Variants in PITPNC1 observed in about 807,000 individuals in gnomAD.
PITPNC1 encodes the protein phosphatidylinositol transfer protein cytoplasmic 1.
In PITPNC1, 18 loss-of-function variants were observed where a neutral mutation model predicts 44.7. That is an observed-to-expected ratio of 0.40 (90% CI 0.28 to 0.60). The LOEUF is 0.60. Ranked by LOEUF, PITPNC1 falls within the 20% of genes least tolerant of loss-of-function variation. PITPNC1 has a pLI of 0.39. For synonymous variants in PITPNC1, 141 were observed against 149.6 expected, an observed-to-expected ratio of 0.94 and a Z score of 0.42; for missense variants, 290 against 418.4, an observed-to-expected ratio of 0.69 and a Z score of 2.68.
intron 1 of PITPNC1, among the ~76,000 whole-genome samples, chr17:67,469,548 G>A (rs757504611): frequency 8.5e-5 from 13 of 152,116 alleles, no homozygotes; most frequent in East Asian, 1.9e-4. Flanking sequence ...TGGCTGGATC[G>A]CCAGCACACT....
chr17:67,445,347 G>A (rs1598671941), intron 1 of PITPNC1, among the ~76,000 whole-genome samples: 1 of 151,942 alleles, frequency 6.6e-6, no homozygotes, highest in East Asian at 1.9e-4. Flanking sequence ...GGAAAGGGAG[G>A]AAGATCAGAG....
intron 5 of PITPNC1, among the ~76,000 whole-genome samples, chr17:67,596,265 A>G (rs2041458227): frequency 2.0e-5 from 3 of 152,178 alleles, no homozygotes; most frequent in Admixed American, 1.3e-4. Flanking sequence ...GCACCCAGCT[A>G]TATTTGCTTG....
intron 1 of PITPNC1, chr17:67,457,351 T>C (rs921938570): frequency 3.9e-5 from 6 of 152,264 alleles, no homozygotes; most frequent in African/African-American, 1.4e-4. Flanking sequence ...GTAGGTAATC[T>C]GCCATATCTC....
At chr17:67,461,530 GT>G (rs1436870326) in intron 1 of PITPNC1, among the ~76,000 whole-genome samples, 1 of 152,224 alleles carries the variant, frequency 6.6e-6, no homozygotes, top group Non-Finnish European at 1.5e-5. Flanking sequence ...GTGTTGGAGG[GT>G]GATGAAGTTT....
intron 1 of PITPNC1, among the ~76,000 whole-genome samples, chr17:67,472,040 T>C (rs978570356): frequency 6.6e-6 from 1 of 152,054 alleles, no homozygotes; most frequent in Non-Finnish European, 1.5e-5. Flanking sequence ...TTTCTGATCA[T>C]TAGACTGCAG....
intron 1 of PITPNC1, among the ~76,000 whole-genome samples, chr17:67,399,274 A>C (rs920625596): frequency 3.9e-5 from 6 of 151,942 alleles, no homozygotes; most frequent in African/African-American, 1.5e-4. Context: ...CGGCCTCCCA[A>C]AGTGCTGGGA....
chr17:67,391,225 T>C (rs2038134299), intron 1 of PITPNC1, among the ~76,000 whole-genome samples: 1 of 152,134 alleles, frequency 6.6e-6, no homozygotes, highest in African/African-American at 2.4e-5. Flanking sequence ...TTTCCTAGAC[T>C]GAATCACTCA....
chr17:67,380,925 T>G (rs896528712), intron 1 of PITPNC1, among the ~76,000 whole-genome samples: 1 of 152,102 alleles, frequency 6.6e-6, no homozygotes, highest in Non-Finnish European at 1.5e-5. Context: ...AGGTGTGTGC[T>G]GCCAACCCGG....
chr17:67,472,611 C>T (rs2039557569), intron 1 of PITPNC1, among the ~76,000 whole-genome samples: 1 of 149,460 alleles, frequency 6.7e-6, no homozygotes, highest in South Asian at 2.1e-4. Flanking sequence ...TGCACCACTG[C>T]ACTCCAGCCT....
chr17:67,435,258 T>G (rs2143906363), intron 1 of PITPNC1, among the ~76,000 whole-genome samples: 1 of 152,290 alleles, frequency 6.6e-6, no homozygotes, highest in South Asian at 2.1e-4. Context: ...TCTGCAGGAT[T>G]CTTGTGAAGA....
intron 1 of PITPNC1, among the ~76,000 whole-genome samples, chr17:67,378,704 G>C (rs2037909965): frequency 6.6e-6 from 1 of 152,212 alleles, no homozygotes; most frequent in Admixed American, 6.5e-5. Flanking sequence ...GGAGGTCCCT[G>C]CGGGGCCCGA....
intron 6 of PITPNC1, among the ~76,000 whole-genome samples, chr17:67,645,067 G>A (rs888555292): frequency 5.9e-5 from 9 of 152,062 alleles, no homozygotes; most frequent in South Asian, 2.1e-4. Flanking sequence ...TTGGCCAGGC[G>A]CGGTGGCTCA....
chr17:67,625,075 C>T (rs1021402046), intron 5 of PITPNC1, among the ~76,000 whole-genome samples: 16 of 152,012 alleles, frequency 1.1e-4, no homozygotes, highest in African/African-American at 2.4e-4. Context: ...GTGTGTATGG[C>T]GGGGGTGGCC....
At chr17:67,549,971 A>G (rs1256494344) in intron 2 of PITPNC1, among the ~76,000 whole-genome samples, 1 of 152,120 alleles carries the variant, frequency 6.6e-6, no homozygotes, top group Non-Finnish European at 1.5e-5. Context: ...TGTGGGGGCA[A>G]ACAGGAAGGA....
At chr17:67,518,670 A>C (rs2040288046) in intron 1 of PITPNC1, among the ~76,000 whole-genome samples, 1 of 152,200 alleles carries the variant, frequency 6.6e-6, no homozygotes, top group African/African-American at 2.4e-5. Flanking sequence ...CAAAAAAAGG[A>C]AAATGATGGG....
intron 1 of PITPNC1, among the ~76,000 whole-genome samples, chr17:67,378,409 C>A (rs1290372743): frequency 1.3e-5 from 2 of 152,220 alleles, no homozygotes; most frequent in East Asian, 3.9e-4. Flanking sequence ...GGGCGGCGGA[C>A]TCCGGGTGGG....
intron 5 of PITPNC1, among the ~76,000 whole-genome samples, chr17:67,629,961 A>T (rs1372704137): frequency 6.6e-6 from 1 of 152,240 alleles, no homozygotes; most frequent in Non-Finnish European, 1.5e-5. Flanking sequence ...ATATTTAGAA[A>T]AGAATAGGCA....
chr17:67,684,101 C>A (rs1332205911), intron 8 of PITPNC1, among the ~76,000 whole-genome samples: 1 of 143,354 alleles, frequency 7.0e-6, no homozygotes, highest in Non-Finnish European at 1.5e-5. Flanking sequence ...TCATAATGAT[C>A]CAAAATAACA....
chr17:67,626,918 G>C (rs2041903394), intron 5 of PITPNC1, among the ~76,000 whole-genome samples: 1 of 151,902 alleles, frequency 6.6e-6, no homozygotes, highest in African/African-American at 2.4e-5. Flanking sequence ...TAGTTCTCCA[G>C]GCACTTATTG....
Sources: allele counts gnomAD v4.1 joint callset (sites outside exome capture counted in the v4.1 genomes callset), GRCh38; gene constraint gnomAD v4.1.1; transcripts MANE v1.5; gene names NCBI Gene and HGNC (gene_info 2026-07-23, HGNC 2026-07-21).